The following FHIP2A variants were observed in gnomAD, a reference collection of about 807,000 sequenced individuals.
The protein encoded by FHIP2A is FHF complex subunit HOOK interacting protein 2A.
A neutral mutation model predicts 93.5 loss-of-function variants in FHIP2A; 46 were observed. The observed-to-expected ratio is 0.49, with a 90% CI of 0.39 to 0.63. The LOEUF is 0.63. Ranked by LOEUF, FHIP2A falls within the 20% of genes least tolerant of loss-of-function variation. FHIP2A has a pLI of 0.00. For synonymous variants in FHIP2A, 332 were observed against 326.5 expected, an observed-to-expected ratio of 1.02 and a Z score of -0.18; for missense variants, 769 against 909.7, an observed-to-expected ratio of 0.85 and a Z score of 1.99.
downstream of FHIP2A, among the ~76,000 whole-genome samples, chr10:114,868,149 A>G (rs1439730076): frequency 6.6e-6 from 1 of 151,966 alleles, no homozygotes; most frequent in East Asian, 1.9e-4. Flanking sequence ...ATGATTTTAT[A>G]TGATGACCTT....
At chr10:114,835,502 G>C in intron 3 of FHIP2A, 35 bp from the exon 4 acceptor site, 3 of 1,310,986 alleles carry the variant, frequency 2.3e-6, no homozygotes, top group Non-Finnish European at 3.3e-6. Context: ...ATTGTCTGTT[G>C]TTTTCCTGTT....
intron 14 of FHIP2A, 35 bp downstream of exon 14, chr10:114,855,375 T>A (rs747827407): frequency 1.3e-6 from 2 of 1,567,910 alleles, no homozygotes; most frequent in African/African-American, 2.7e-5. Context: ...TTCATATTTT[T>A]TTTTGCCATT....
intron 16 of FHIP2A, among the ~76,000 whole-genome samples, chr10:114,881,421 T>C (rs2083916562): frequency 6.6e-6 from 1 of 152,220 alleles, no homozygotes; most frequent in East Asian, 1.9e-4. Flanking sequence ...CGGCACCCTA[T>C]GAGGCAGACA....
At chr10:114,879,026 A>G (rs1385273393) in intron 16 of FHIP2A, among the ~76,000 whole-genome samples, 1 of 152,210 alleles carries the variant, frequency 6.6e-6, no homozygotes, top group African/African-American at 2.4e-5. Context: ...CAGAACAGCT[A>G]TTATTATGTG....
rs10715018 is a variant in FHIP2A, at chr10:114,873,951, GAA to G, written c.2192+12627_2192+12628del. Among the ~76,000 whole-genome samples the G allele has an allele frequency of 3.0e-4, 45 of 148,568 alleles. No homozygotes were observed. In the South Asian group the frequency reaches 3.9e-3, roughly 13 times the overall value. On this transcript the variant is annotated intron_variant, in intron 16 of 16. Transcript: ENST00000369250. ...GTTATTTAGGAATATTCAGGAGGGGGAAAAAAAAAAACAACCCTAAGTTCTGT... is the reference window on the plus strand; with the variant it reads ...GTTATTTAGGAATATTCAGGAGGGGGAAAAAAAAACAACCCTAAGTTCTGT...
At chr10:114,875,086 G>T (rs774384508) in intron 16 of FHIP2A, among the ~76,000 whole-genome samples, 5 of 152,128 alleles carry the variant, frequency 3.3e-5, no homozygotes, top group Non-Finnish European at 7.4e-5. Flanking sequence ...ATGAGGCGCC[G>T]CTAAGTGCTG....
intron 16 of FHIP2A, among the ~76,000 whole-genome samples, chr10:114,879,165 G>A (rs2083904582): frequency 6.6e-6 from 1 of 152,160 alleles, no homozygotes; most frequent in African/African-American, 2.4e-5. Flanking sequence ...ACCAGAATTT[G>A]AACTCAAGCA....
At chr10:114,889,728 C>A (rs923902722) in intron 16 of FHIP2A, among the ~76,000 whole-genome samples, 3 of 152,330 alleles carry the variant, frequency 2.0e-5, no homozygotes, top group Admixed American at 6.5e-5. Context: ...GTGCTGATGC[C>A]CCCTCACCAG....
intron 2 of FHIP2A, 41 bp from the exon 3 acceptor site, chr10:114,833,192 A>T (rs777190696): frequency 1.3e-5 from 19 of 1,513,716 alleles, no homozygotes; most frequent in Non-Finnish European, 1.6e-5. Context: ...TATGCAGTTT[A>T]AAAATGTTTA....
intron 16 of FHIP2A, among the ~76,000 whole-genome samples, chr10:114,880,524 C>CA (rs2083911473): frequency 2.0e-5 from 3 of 151,890 alleles, no homozygotes; most frequent in Non-Finnish European, 2.9e-5. Context: ...TAGTAAGATA[C>CA]AAAAAAATAG....
At chr10:114,887,461 T>A (rs1380786186) in intron 16 of FHIP2A, among the ~76,000 whole-genome samples, 1 of 152,240 alleles carries the variant, frequency 6.6e-6, no homozygotes. Context: ...AGGCCTAGTT[T>A]TCTTCCGTTT....
intron 16 of FHIP2A, among the ~76,000 whole-genome samples, chr10:114,898,443 C>T (rs1198846295): frequency 6.6e-6 from 1 of 152,146 alleles, no homozygotes; most frequent in East Asian, 1.9e-4. Context: ...CTCAGCCCAC[C>T]AGCTGATAAC....
At chr10:114,826,901 G>A (rs772181670) in intron 1 of FHIP2A, among the ~76,000 whole-genome samples, 3 of 152,188 alleles carry the variant, frequency 2.0e-5, no homozygotes, top group Non-Finnish European at 2.9e-5. Context: ...GGCTGAGACA[G>A]GAGAATCGCT....
intron 14 of FHIP2A, among the ~76,000 whole-genome samples, chr10:114,857,857 G>A (rs1280695128): frequency 1.3e-5 from 2 of 152,040 alleles, no homozygotes; most frequent in Admixed American, 1.3e-4. Context: ...TGTTTGTAAC[G>A]GTGGTGATTT....
chr10:114,897,735 C>T (rs57707843), intron 16 of FHIP2A, among the ~76,000 whole-genome samples: 5,716 of 152,164 alleles, frequency 0.038, 376 homozygotes, highest in African/African-American at 0.13. Flanking sequence ...CATGGCAAAA[C>T]GCTGTTTCAA....
rs921865809 is a variant in FHIP2A, at chr10:114,869,808, A to G, written c.2192+8474A>G. Among the ~76,000 whole-genome samples the G allele has an allele frequency of 3.3e-5, 5 of 152,308 alleles. No homozygotes were observed. The South Asian group carries it at 1.0e-3, about 32-fold the overall frequency. On this transcript the variant is annotated intron_variant, in intron 16 of 16. Transcript: ENST00000369250. ...GCAATTTCTGGGTGTTTTTCTTTGG[A>G]ATTTGACATTGAAATAAAAATAATT... is the stretch of plus-strand genomic sequence containing the variant.
At position 114,879,860 on chromosome 10, in the gene FHIP2A, G is replaced by T. The variant is rs576857099; in HGVS notation, c.2192+18526G>T. ...CTTTTTAGACACAGGAGGCTCTCGC[G>T]GTGTGCCCAGGCTGACTTGAGCTCC... On this transcript the variant is annotated intron_variant, in intron 16 of 16. Coordinates refer to the FHIP2A transcript ENST00000369250. Among the ~76,000 whole-genome samples, 101 of 152,230 alleles carry T rather than the reference G, an allele frequency of 6.6e-4. 3 individuals are homozygous for T. In the South Asian group the frequency reaches 0.021, roughly 31 times the overall value.
In FHIP2A at chr10:114,863,723, T is replaced by G; in HGVS notation, c.*2183T>G. ...TGAAACATTGTACTGCATCACCAGTTTTTCTTACCTTCTGTTGACAGCTGA... is the reference window on the plus strand; with the variant it reads ...TGAAACATTGTACTGCATCACCAGTGTTTCTTACCTTCTGTTGACAGCTGA... On this transcript the variant is annotated 3_prime_UTR_variant, in exon 17 of 17. Transcript: ENST00000369248. The G allele has an allele frequency of 7.7e-7, 1 of 1,292,200 alleles. No individual in the cohort carries two copies. The highest frequency in any genetic ancestry group is 5.7e-5 in the East Asian group (1 of 17,690). 80.0% of individuals were successfully genotyped at this position (1,292,200 alleles called of 1,614,324 possible). A position where few individuals can be genotyped will look rare whatever the true frequency, so the allele number is the denominator to read the frequency against.
intron 7 of FHIP2A, 48 bp downstream of exon 7, chr10:114,843,985 C>G (rs756652859): frequency 1.4e-6 from 2 of 1,398,558 alleles, no homozygotes; most frequent in Non-Finnish European, 9.6e-7. Flanking sequence ...TTCTTAACAC[C>G]TACATTTTAA....
Sources: allele counts gnomAD v4.1 joint callset (sites outside exome capture counted in the v4.1 genomes callset), GRCh38; gene constraint gnomAD v4.1.1; transcripts MANE v1.5; gene names NCBI Gene and HGNC (gene_info 2026-07-23, HGNC 2026-07-21).